Variants in DNAH11 observed in about 807,000 individuals in gnomAD.
DNAH11 encodes dynein axonemal heavy chain 11.
Under a neutral mutation model 526.0 loss-of-function variants are expected in DNAH11, and 442 were observed. That is an observed-to-expected ratio of 0.84 (90% CI 0.78 to 0.91). The LOEUF (loss-of-function observed/expected upper bound fraction) is 0.91. DNAH11 is among the 40% of genes least tolerant of loss of function. The probability of loss-of-function intolerance (pLI) is 0.00; values close to 1 mark genes in which losing one functional copy is unlikely to be tolerated. For missense variants in DNAH11, 6,989 were observed against 5,448.7 expected (o/e 1.28, Z -8.90); for synonymous variants, 2,461 against 1,935.9 (o/e 1.27, Z -7.12).
chr7:21,764,616 T>C (rs1395214808), intron 54 of DNAH11, among the ~76,000 whole-genome samples: 1 of 152,164 alleles, frequency 6.6e-6, no homozygotes, highest in African/African-American at 2.4e-5. Flanking sequence ...ACACAGGGTG[T>C]CTCTGATGAA....
intron 63 of DNAH11, among the ~76,000 whole-genome samples, chr7:21,810,387 C>G (rs901005561): frequency 6.6e-6 from 1 of 152,160 alleles, no homozygotes; most frequent in Non-Finnish European, 1.5e-5. Context: ...CCAGCCCTTT[C>G]TGGAGTATGG....
At chr7:21,896,573 T>C (rs544104329) in intron 79 of DNAH11, among the ~76,000 whole-genome samples, 1 of 152,368 alleles carries the variant, frequency 6.6e-6, no homozygotes, top group East Asian at 1.9e-4. Context: ...AAATGTGAGA[T>C]TCCATCCATA....
At position 21,637,840 on chromosome 7, in the gene DNAH11, T is replaced by C. The variant is rs1786940089; in HGVS notation, c.4817+138T>C. 9.9e-6 allele frequency: 5 copies of C among 504,634 alleles called. No homozygotes were observed. In the Admixed American group the frequency reaches 1.9e-4, roughly 19 times the overall value. 31.3% of individuals were successfully genotyped at this position (504,634 alleles called of 1,614,324 possible). Reference sequence around the variant, plus strand: ...TTTTGTAATTTTGCTTATAATTATCTAGTTGTCTCGTACATATGACATGGA... The same window carrying C: ...TTTTGTAATTTTGCTTATAATTATCCAGTTGTCTCGTACATATGACATGGA... On this transcript the variant is annotated intron_variant, in intron 27 of 81. Coordinates refer to ENST00000409508, the MANE Select transcript of DNAH11 (RefSeq NM_001277115.2).
Position 21,731,852 on chromosome 7 carries a change from C to A in DNAH11, c.7441-3788C>A, listed in dbSNP as rs1435503538. Among the ~76,000 whole-genome samples, 7 of 152,266 alleles carry A rather than the reference C, an allele frequency of 4.6e-5. No homozygotes were observed. In the East Asian group the frequency reaches 5.8e-4, roughly 13 times the overall value. ...CGATTGTTGTGTACTGCAATGCTTG[C>A]GTTCAAGTAACCCTTATTTTACATA... is the stretch of plus-strand genomic sequence containing the variant. On this transcript the variant is annotated intron_variant, in intron 45 of 81. Coordinates refer to ENST00000409508, the MANE Select transcript of DNAH11 (RefSeq NM_001277115.2).
chr7:21,760,913 T>G (rs1320717176), intron 54 of DNAH11, among the ~76,000 whole-genome samples: 1 of 152,224 alleles, frequency 6.6e-6, no homozygotes, highest in African/African-American at 2.4e-5. Flanking sequence ...AATTAAATTA[T>G]AGACAATATA....
chr7:21,867,319 C>A (rs904682099), intron 71 of DNAH11, among the ~76,000 whole-genome samples: 15 of 152,190 alleles, frequency 9.9e-5, no homozygotes, highest in African/African-American at 3.1e-4. Context: ...TTGTCTAGTT[C>A]AGCCAATTTT....
At chr7:21,876,986 T>G (rs190410270) in intron 74 of DNAH11, among the ~76,000 whole-genome samples, 1 of 152,346 alleles carries the variant, frequency 6.6e-6, no homozygotes. Flanking sequence ...ACAGATGTCC[T>G]TTCCCACATC....
intron 25 of DNAH11, among the ~76,000 whole-genome samples, chr7:21,634,280 A>G (rs1056858623): frequency 1.3e-5 from 2 of 152,184 alleles, no homozygotes; most frequent in Non-Finnish European, 2.9e-5. Context: ...GACTTGATGA[A>G]CTAGATAAAG....
intron 36 of DNAH11, among the ~76,000 whole-genome samples, chr7:21,698,562 T>C (rs949782653): frequency 5.9e-5 from 9 of 152,196 alleles, no homozygotes. Flanking sequence ...AGTGAGAACA[T>C]ACGATATTTG....
At chr7:21,665,169 C>A (rs187381187) in intron 30 of DNAH11, among the ~76,000 whole-genome samples, 1 of 151,860 alleles carries the variant, frequency 6.6e-6, no homozygotes, top group East Asian at 1.9e-4. Context: ...TTGACCTCTC[C>A]CCCTTTCTAC....
Position 21,615,133 on chromosome 7 carries a change from C to A in DNAH11, c.3872C>A (p.Ala1291Asp). Residue 1291 changes from alanine (A) to aspartate (D), a missense_variant, in exon 21 of 82, where the codon GCC (alanine) becomes GAC (aspartate). By Grantham distance (126) the Ala-to-Asp change is moderately radical. Coordinates refer to ENST00000409508, the MANE Select transcript of DNAH11 (RefSeq NM_001277115.2). ...ALDKANEELE[A>D]LEEEMLQMQE... ...CCTTAGGCAAATGAAGAGCTTGAGG[C>A]CTTAGAAGAAGAAATGTTGCAGATG... is the stretch of plus-strand genomic sequence containing the variant. 6.2e-7 allele frequency: 1 copy of A among 1,611,808 alleles called. No individual in the cohort carries two copies. The highest frequency in any genetic ancestry group is 1.7e-4 in the Middle Eastern group (1 of 6,054).
chr7:21,545,719 A>C (rs1397276779), intron 2 of DNAH11, among the ~76,000 whole-genome samples: 4 of 152,244 alleles, frequency 2.6e-5, no homozygotes, highest in Non-Finnish European at 4.4e-5. Flanking sequence ...TTTAATGTGC[A>C]TAAGAACTGC....
chr7:21,765,588 A>G lies in DNAH11; in HGVS notation c.9101A>G (p.Glu3034Gly). 6.6e-7 allele frequency: 1 copy of G among 1,517,216 alleles called. No individual in the cohort carries two copies. The highest frequency in any genetic ancestry group is 9.0e-7 in the Non-Finnish European group (1 of 1,113,308). 94.0% of individuals were successfully genotyped at this position (1,517,216 alleles called of 1,614,324 possible). A position where few individuals can be genotyped will look rare whatever the true frequency, so the allele number is the denominator to read the frequency against. Residue 3034 changes from glutamate (E) to glycine (G), a missense_variant and splice_region_variant, in exon 55 of 82, where the codon GAG (glutamate) becomes GGG (glycine). Glu to Gly is a moderately conservative substitution (Grantham distance 98). Transcript: ENST00000409508. ...TTCATTGAGGAAACCAAGGGAATTG[A>G]GGTATGCCGTGTCAGCCTGCGTCAC... ...RRFIEETKGIEPVHKDSISLF... is the reference protein window; with the variant it reads ...RRFIEETKGIGPVHKDSISLF...
chr7:21,843,939 G>A (rs897686715), intron 66 of DNAH11, among the ~76,000 whole-genome samples: 1 of 152,234 alleles, frequency 6.6e-6, no homozygotes, highest in Non-Finnish European at 1.5e-5. Flanking sequence ...TATTTCAGAT[G>A]TTAGAGATTT....
At chr7:21,778,418 A>G (rs189590191) in intron 56 of DNAH11, among the ~76,000 whole-genome samples, 305 of 152,324 alleles carry the variant, frequency 2.0e-3, no homozygotes, top group African/African-American at 7.1e-3. Context: ...GGTGAAAAAA[A>G]TCAAGAGGCC....
intron 76 of DNAH11, among the ~76,000 whole-genome samples, chr7:21,890,590 G>T (rs77888218): frequency 0.01 from 1,543 of 152,272 alleles, 12 homozygotes; most frequent in Non-Finnish European, 0.014. Context: ...ATAATGTTCA[G>T]TTGGGATATG....
At chr7:21,839,753 G>C (rs565625322) in intron 65 of DNAH11, among the ~76,000 whole-genome samples, 161 of 152,130 alleles carry the variant, frequency 1.1e-3, no homozygotes, top group Non-Finnish European at 1.3e-3. Flanking sequence ...CAACTAATAG[G>C]GTTTTCAAAA....
intron 38 of DNAH11, among the ~76,000 whole-genome samples, 152 bp from the exon 39 acceptor site, chr7:21,705,308 C>G (rs909460819): frequency 2.0e-5 from 3 of 152,160 alleles, no homozygotes; most frequent in Admixed American, 6.6e-5. Context: ...CTATACTTTT[C>G]ACTTATGGTC....
rs561382125 is a variant in DNAH11, at chr7:21,729,696, C to G, written c.7440+3712C>G. 3.8e-3 allele frequency among the ~76,000 whole-genome samples: 263 copies of G among 70,100 alleles called. 1 individual carries two copies. Among genetic ancestry groups the G allele is most frequent in the Non-Finnish European group, 4.0e-3 (116 of 28,856 alleles). The allele number at this position is 70,100 out of a possible 152,430, so 46.0% of individuals were successfully genotyped here. ...ACAAGAATTGCTTTTCTGCCAGTGT[C>G]AAGTAACACTGAGGTCTCACCAGAA... On this transcript the variant is annotated intron_variant, in intron 45 of 81. Coordinates refer to ENST00000409508, the MANE Select transcript of DNAH11 (RefSeq NM_001277115.2).
Sources: allele counts gnomAD v4.1 joint callset (sites outside exome capture counted in the v4.1 genomes callset), GRCh38; gene constraint gnomAD v4.1.1; transcripts MANE v1.5; gene names NCBI Gene and HGNC (gene_info 2026-07-23, HGNC 2026-07-21).